EHD4: variants seen among roughly 807,000 people sequenced by gnomAD.
EHD4 encodes EH domain-containing protein 4.
In EHD4, 37 loss-of-function variants were observed where a neutral mutation model predicts 51.0. The observed-to-expected ratio is 0.73, with a 90% CI of 0.56 to 0.95. EHD4 has a LOEUF of 0.95. EHD4 is among the 40% of genes least tolerant of loss of function. The pLI, the probability that EHD4 is intolerant of heterozygous loss-of-function variation, is 0.00. For missense variants in EHD4, 632 were observed against 733.1 expected (o/e 0.86, Z 1.59); for synonymous variants, 297 against 317.3 (o/e 0.94, Z 0.68).
At chr15:41,906,146 T>C (rs2067510674) in intron 5 of EHD4, among the ~76,000 whole-genome samples, 2 of 152,210 alleles carry the variant, frequency 1.3e-5, no homozygotes, top group African/African-American at 4.8e-5. Context: ...ATGGACTGGA[T>C]TGAGAACCTG....
At chr15:41,942,247 GTTTT>G (rs570868200) in intron 3 of EHD4, 26,139 of 137,492 alleles carry the variant, frequency 0.19, 3,118 homozygotes, top group African/African-American at 0.35. Context: ...CCGGTTTTTT[GTTTT>G]TTTTTTTTTT....
At chr15:41,945,178 C>T (rs2067803380) in intron 2 of EHD4, among the ~76,000 whole-genome samples, 2 of 152,192 alleles carry the variant, frequency 1.3e-5, no homozygotes, top group South Asian at 4.1e-4. Flanking sequence ...CTACGTGAAA[C>T]AATTTTCTGC....
intron 3 of EHD4, among the ~76,000 whole-genome samples, chr15:41,933,952 G>A (rs750666690): frequency 2.0e-5 from 3 of 152,132 alleles, no homozygotes; most frequent in East Asian, 3.9e-4. Flanking sequence ...TGACTCCTGC[G>A]GGACAGTCAC....
intron 1 of EHD4, among the ~76,000 whole-genome samples, chr15:41,969,542 C>A: frequency 7.0e-6 from 1 of 143,076 alleles, no homozygotes. Context: ...GCGAAACTGT[C>A]TCAAAAAAAA....
chr15:41,939,815 AT>A (rs1450771667), intron 3 of EHD4, among the ~76,000 whole-genome samples: 1 of 141,842 alleles, frequency 7.1e-6, no homozygotes, highest in African/African-American at 2.6e-5. Flanking sequence ...AAAAAAAAAG[AT>A]TTTCTGCTAA....
At position 41,900,704 on chromosome 15, in the gene EHD4, TGCTGGGCA is replaced by T; in HGVS notation, c.1559_1566del (p.Leu520GlnfsTer62). The T allele has an allele frequency of 1.2e-6, 2 of 1,608,760 alleles. No homozygotes were observed. Among genetic ancestry groups the T allele is most frequent in the Non-Finnish European group, 1.7e-6 (2 of 1,179,658 alleles). ...GGGGGCACGAGGTGGGGGGGCAGGCTGCTGGGCAGCTCGTAGCCGTCGAGCTTGATCTT... is the reference window on the plus strand; with the variant it reads ...GGGGGCACGAGGTGGGGGGGCAGGCTGCTCGTAGCCGTCGAGCTTGATCTT... On this transcript the variant is annotated frameshift_variant, in exon 6 of 6. Coordinates refer to ENST00000220325, the MANE Select transcript of EHD4 (RefSeq NM_139265.4). LOFTEE classifies it high-confidence loss of function. The surrounding 1 kb of genome is among the most constrained non-coding windows in gnomAD (Gnocchi z 4.8).
intron 2 of EHD4, among the ~76,000 whole-genome samples, chr15:41,944,161 G>A (rs2067796106): frequency 6.6e-6 from 1 of 152,184 alleles, no homozygotes. Flanking sequence ...CTGGGTAAGG[G>A]CCTCCCTGCT....
At chr15:41,904,465 T>A (rs2067499813) in intron 5 of EHD4, among the ~76,000 whole-genome samples, 3 of 152,084 alleles carry the variant, frequency 2.0e-5, no homozygotes, top group Admixed American at 1.3e-4. Flanking sequence ...TCTGCCACGG[T>A]GAGTCCAAAA....
chr15:41,913,959 G>A (rs2067566252), intron 4 of EHD4, among the ~76,000 whole-genome samples: 1 of 152,304 alleles, frequency 6.6e-6, no homozygotes, highest in Admixed American at 6.5e-5. Context: ...GAGCAGAAAG[G>A]AAAGTCCTTC....
At chr15:41,922,714 C>T (rs1400581556) in intron 3 of EHD4, among the ~76,000 whole-genome samples, 1 of 152,188 alleles carries the variant, frequency 6.6e-6, no homozygotes, top group East Asian at 1.9e-4. Context: ...CATTTCAATG[C>T]TATAGTGAAA....
intron 5 of EHD4, among the ~76,000 whole-genome samples, chr15:41,907,866 GTGTGTATATA>G (rs1567243899): frequency 1.0e-5 from 1 of 97,728 alleles, no homozygotes; most frequent in Admixed American, 9.1e-5. Context: ...GTGTGTGTGT[GTGTGTATATA>G]TTTATTTATT....
intron 3 of EHD4, among the ~76,000 whole-genome samples, chr15:41,940,473 T>C (rs1007840871): frequency 2.0e-5 from 3 of 152,188 alleles, no homozygotes; most frequent in African/African-American, 7.2e-5. Flanking sequence ...GGTTAGTGTG[T>C]TGAAAATGTC....
Position 41,912,282 on chromosome 15 carries a change from G to A in EHD4, c.925-2419C>T, listed in dbSNP as rs190855335. Among the ~76,000 whole-genome samples the A allele has an allele frequency of 5.5e-4, 83 of 152,270 alleles. No homozygotes were observed. The South Asian group carries it at 8.7e-3, about 16-fold the overall frequency. Reference sequence around the variant, plus strand: ...TCCACTTCTAGGAAGTTCTGTTAGCGAGGTTTGTGGAAGTCTCCTGTTACG... The same window carrying A: ...TCCACTTCTAGGAAGTTCTGTTAGCAAGGTTTGTGGAAGTCTCCTGTTACG... On this transcript the variant is annotated intron_variant, in intron 4 of 5. Transcript: ENST00000220325.
At chr15:41,928,797 G>A (rs2067679650) in intron 3 of EHD4, 1 of 152,198 alleles carries the variant, frequency 6.6e-6, no homozygotes, top group South Asian at 2.1e-4. Context: ...TCCCCAATCA[G>A]CGGGAGCAAT....
chr15:41,964,981 A>G (rs546021264), intron 1 of EHD4, among the ~76,000 whole-genome samples: 67 of 152,198 alleles, frequency 4.4e-4, no homozygotes, highest in African/African-American at 1.6e-3. Flanking sequence ...CATGTTGCCC[A>G]GGCTGATCTT....
intron 3 of EHD4, among the ~76,000 whole-genome samples, chr15:41,937,311 C>T (rs149289391): frequency 3.3e-5 from 5 of 152,324 alleles, no homozygotes; most frequent in East Asian, 1.9e-4. Flanking sequence ...TTCTTTCATA[C>T]ACTCTTTCTG....
chr15:41,960,184 T>C (rs184200599), intron 1 of EHD4, among the ~76,000 whole-genome samples: 137 of 152,328 alleles, frequency 9.0e-4, no homozygotes, highest in African/African-American at 2.9e-3. Flanking sequence ...CAGTTTATAA[T>C]GCATTTCACA....
chr15:41,949,806 G>C (rs2067840956), intron 2 of EHD4, among the ~76,000 whole-genome samples: 1 of 152,036 alleles, frequency 6.6e-6, no homozygotes, highest in African/African-American at 2.4e-5. Context: ...TTTAGAAAAG[G>C]AGACTGAGGA....
chr15:41,954,974 C>T (rs374121764), intron 1 of EHD4, among the ~76,000 whole-genome samples: 2 of 152,202 alleles, frequency 1.3e-5, no homozygotes, highest in Non-Finnish European at 2.9e-5. Context: ...ATATTCTAAA[C>T]CTTTAATTGA....
Sources: gnomAD v4.1 joint callset for allele counts (sites outside exome capture counted in the v4.1 genomes callset) on GRCh38, gnomAD v4.1.1 for gene constraint, Gnocchi (gnomAD v3.1) non-coding constraint, MANE v1.5 for transcripts, NCBI Gene and HGNC (gene_info 2026-07-23, HGNC 2026-07-21) for gene names.